KMT2C: variants seen among roughly 807,000 people sequenced by gnomAD.
The protein encoded by KMT2C is lysine methyltransferase 2C.
KMT2C carries 88 observed loss-of-function variants against 507.9 expected under a neutral mutation model. That is an observed-to-expected ratio of 0.17 (90% CI 0.15 to 0.21). KMT2C has a LOEUF of 0.21. Among genes scored for constraint, KMT2C ranks in the 10% least tolerant of loss-of-function variants. The probability of loss-of-function intolerance (pLI) is 1.00; values close to 1 mark genes in which losing one functional copy is unlikely to be tolerated. For synonymous variants in KMT2C, 2,049 were observed against 2,080.8 expected, an observed-to-expected ratio of 0.98 and a Z score of 0.42; for missense variants, 4,954 against 5,957.8, an observed-to-expected ratio of 0.83 and a Z score of 5.55.
intron 1 of KMT2C, chr7:152,367,345 A>T (rs1273826801): frequency 2.4e-6 from 2 of 818,440 alleles, no homozygotes; most frequent in African/African-American, 3.4e-5. Context: ...GCCCTGAAGC[A>T]GACACCCCAG....
At chr7:152,342,673 G>A (rs936538195) in intron 2 of KMT2C, among the ~76,000 whole-genome samples, 21 of 152,296 alleles carry the variant, frequency 1.4e-4, no homozygotes, top group African/African-American at 5.1e-4. Context: ...GAGTCTGGAA[G>A]ATACAAACTA....
chr7:152,152,998 C>T (rs200428209), intron 48 of KMT2C, 44 bp from the exon 49 acceptor site: 372 of 1,600,906 alleles, frequency 2.3e-4, no homozygotes, highest in Middle Eastern at 6.6e-4. Flanking sequence ...CAGAAGGCAA[C>T]AGTGAACCAC....
chr7:152,272,521 C>A (rs1172613379), intron 7 of KMT2C, among the ~76,000 whole-genome samples: 1 of 152,132 alleles, frequency 6.6e-6, no homozygotes, highest in African/African-American at 2.4e-5. Flanking sequence ...CCAGTTTATG[C>A]ACTTGCTGAA....
In KMT2C at chr7:152,194,209, G is replaced by C. The variant is rs2129129017; in HGVS notation, c.4540+20C>G. On this transcript the variant is annotated intron_variant, in intron 30 of 58. Coordinates refer to ENST00000262189, the MANE Select transcript of KMT2C (RefSeq NM_170606.3). ...TGGGGAACGCCATTTTCATTAACTA[G>C]AAAATCAAAACACATTTACCTGGAA... is the stretch of plus-strand genomic sequence containing the variant. 1 of 1,543,272 alleles carries C rather than the reference G, an allele frequency of 6.5e-7. No individual in the cohort carries two copies.
At chr7:152,303,916 A>C (rs769921654) in intron 6 of KMT2C, among the ~76,000 whole-genome samples, 20 of 152,146 alleles carry the variant, frequency 1.3e-4, no homozygotes, top group Non-Finnish European at 2.4e-4. Flanking sequence ...TGGGCCCAGG[A>C]AGCAGAAGGT....
chr7:152,249,673 C>CAAAAAAAAAAAAAAAA (rs1183345172), intron 13 of KMT2C, among the ~76,000 whole-genome samples: 12 of 34,516 alleles, frequency 3.5e-4, no homozygotes, highest in Admixed American at 8.7e-4. Flanking sequence ...CTCCCCCCTC[C>CAAAAAAAAAAAAAAAA]AAAAAAAAAA....
intron 1 of KMT2C, among the ~76,000 whole-genome samples, chr7:152,385,606 CGT>C (rs1274985010): frequency 1.9e-5 from 1 of 51,308 alleles, no homozygotes; most frequent in Non-Finnish European, 3.2e-5. Context: ...AGCGAGACTC[CGT>C]CTCAAAAAAA....
chr7:152,353,900 A>C (rs947597841), intron 2 of KMT2C, among the ~76,000 whole-genome samples: 2 of 152,246 alleles, frequency 1.3e-5, no homozygotes, highest in Non-Finnish European at 2.9e-5. Context: ...CTTGAGACAT[A>C]CATATGTTAA....
At chr7:152,307,360 G>A (rs1001482216) in intron 6 of KMT2C, among the ~76,000 whole-genome samples, 43 of 143,990 alleles carry the variant, frequency 3.0e-4, no homozygotes, top group African/African-American at 9.8e-4. Flanking sequence ...GAGGGAAGGA[G>A]AGAGGGAGAG....
chr7:152,245,470 T>A (rs1262488796), intron 14 of KMT2C, among the ~76,000 whole-genome samples: 1 of 152,182 alleles, frequency 6.6e-6, no homozygotes, highest in Non-Finnish European at 1.5e-5. Flanking sequence ...TAAAATAGAT[T>A]AAAATTTATT....
intron 1 of KMT2C, among the ~76,000 whole-genome samples, chr7:152,420,038 T>A (rs544541337): frequency 1.9e-3 from 284 of 152,322 alleles, no homozygotes; most frequent in African/African-American, 6.6e-3. Context: ...GTAAAATGTG[T>A]CATTTGCATT....
intron 6 of KMT2C, among the ~76,000 whole-genome samples, chr7:152,305,223 C>A (rs570592368): frequency 6.6e-6 from 1 of 152,024 alleles, no homozygotes; most frequent in African/African-American, 2.4e-5. Context: ...AAGATTATTA[C>A]GTGAATATAC....
At chr7:152,200,348 T>G (rs2094098032) in intron 26 of KMT2C, among the ~76,000 whole-genome samples, 1 of 152,228 alleles carries the variant, frequency 6.6e-6, no homozygotes, top group South Asian at 2.1e-4. Flanking sequence ...CAACAATTTT[T>G]TAAAAGTATA....
rs147087773 is a variant in KMT2C, at chr7:152,182,354, T to C, written c.5506A>G (p.Ser1836Gly). 5.6e-6 allele frequency: 9 copies of C among 1,613,574 alleles called. No individual in the cohort carries two copies. The highest frequency in any genetic ancestry group is 7.6e-6 in the Non-Finnish European group (9 of 1,179,802). ...HKELFTKQPP[S>G]TPTSTSSDDV... ...TCTGAAGATGTAGACGTAGGGGTAC[T>C]GGGTGGCTGTTTTGTAAACAGTTCT... Residue 1836 changes from serine to glycine, a missense_variant, in exon 36 of 59, where the codon AGT (serine) becomes GGT (glycine). Physicochemically the swap from Ser to Gly is moderately conservative, Grantham distance 56 (BLOSUM62 0). Coordinates refer to ENST00000262189, the MANE Select transcript of KMT2C (RefSeq NM_170606.3).
At chr7:152,168,889 C>T (rs1434769248) in intron 41 of KMT2C, among the ~76,000 whole-genome samples, 6 of 152,146 alleles carry the variant, frequency 3.9e-5, no homozygotes, top group African/African-American at 1.4e-4. Context: ...GTTCTATAGA[C>T]TGTAAAGTGC....
At chr7:152,209,958 T>A (rs746238735) in intron 23 of KMT2C, among the ~76,000 whole-genome samples, 1 of 152,138 alleles carries the variant, frequency 6.6e-6, no homozygotes, top group Non-Finnish European at 1.5e-5. Flanking sequence ...ACTCCCTACA[T>A]CTGCTTCCTA....
intron 1 of KMT2C, among the ~76,000 whole-genome samples, chr7:152,388,873 C>CA: frequency 7.7e-6 from 1 of 129,762 alleles, no homozygotes; most frequent in East Asian, 2.3e-4. Context: ...CTCAGCCTCC[C>CA]AAGTAGCTGG....
At chr7:152,413,788 G>A (rs2097705302) in intron 1 of KMT2C, among the ~76,000 whole-genome samples, 3 of 150,056 alleles carry the variant, frequency 2.0e-5, no homozygotes, top group Non-Finnish European at 4.4e-5. Context: ...GGGAGGCTGA[G>A]GCAGGAAAAT....
At chr7:152,346,222 C>T (rs1311611901) in intron 2 of KMT2C, among the ~76,000 whole-genome samples, 1 of 152,190 alleles carries the variant, frequency 6.6e-6, no homozygotes, top group Non-Finnish European at 1.5e-5. Flanking sequence ...GAATCTGACA[C>T]CGTTAATCAA....
Sources: gnomAD v4.1 joint callset for allele counts (sites outside exome capture counted in the v4.1 genomes callset) on GRCh38, gnomAD v4.1.1 for gene constraint, MANE v1.5 for transcripts, NCBI Gene and HGNC (gene_info 2026-07-23, HGNC 2026-07-21) for gene names.